The following ADAMTS17 variants were observed in gnomAD, a reference collection of about 807,000 sequenced individuals.
The protein encoded by ADAMTS17 is ADAM metallopeptidase with thrombospondin type 1 motif 17, also known as A disintegrin and metalloproteinase with thrombospondin motifs 17.
Under a neutral mutation model 141.5 loss-of-function variants are expected in ADAMTS17, and 113 were observed. The observed-to-expected ratio is 0.80, with a 90% CI of 0.69 to 0.93. The LOEUF (loss-of-function observed/expected upper bound fraction) is 0.93. Among genes scored for constraint, ADAMTS17 ranks in the 40% least tolerant of loss-of-function variants. The probability of loss-of-function intolerance (pLI) is 0.00; values close to 1 mark genes in which losing one functional copy is unlikely to be tolerated. For synonymous variants in ADAMTS17, 768 were observed against 630.6 expected (o/e 1.22, Z -3.27); for missense variants, 1,659 against 1,517.9 (o/e 1.09, Z -1.54).
At chr15:100,261,726 C>G in intron 5 of ADAMTS17, 90 bp from the exon 6 acceptor site, 2 of 1,411,936 alleles carry the variant, frequency 1.4e-6, no homozygotes, top group Non-Finnish European at 2.0e-6. Flanking sequence ...AAGGTGGAGG[C>G]AGTCACTCAC....
chr15:100,244,781 T>C (rs1466313182), intron 7 of ADAMTS17, among the ~76,000 whole-genome samples: 1 of 152,196 alleles, frequency 6.6e-6, no homozygotes, highest in East Asian at 1.9e-4. Flanking sequence ...CTACAGATGG[T>C]ACCTGCTCTC....
chr15:100,085,894 G>A (rs1168735793), intron 15 of ADAMTS17, among the ~76,000 whole-genome samples: 1 of 152,100 alleles, frequency 6.6e-6, no homozygotes, highest in Admixed American at 6.5e-5. Flanking sequence ...GCAAAAACAA[G>A]CCAAATTGTA....
Position 99,972,504 on chromosome 15 carries a change from T to C in ADAMTS17, c.*1898A>G, listed in dbSNP as rs1165952796. On this transcript the variant is annotated 3_prime_UTR_variant, in exon 22 of 22. Coordinates refer to ENST00000268070, the MANE Select transcript of ADAMTS17 (RefSeq NM_139057.4). ...AAAGTCTAAATGTCTTTCAGTGAAT[T>C]AACAGTTCATTTGGGGATGAAGAAA... is the stretch of plus-strand genomic sequence containing the variant. 1.3e-5 allele frequency: 2 copies of C among 151,884 alleles called. No individual in the cohort carries two copies. The highest frequency in any genetic ancestry group is 4.8e-5 in the African/African-American group (2 of 41,380). 9.4% of individuals were successfully genotyped at this position (151,884 alleles called of 1,614,324 possible). A position where few individuals can be genotyped will look rare whatever the true frequency, so the allele number is the denominator to read the frequency against.
intron 20 of ADAMTS17, among the ~76,000 whole-genome samples, chr15:99,977,349 C>CATATATATATAT (rs71151927): frequency 3.3e-5 from 1 of 30,330 alleles, no homozygotes; most frequent in African/African-American, 1.5e-4. Context: ...CCCTCCTCTT[C>CATATATATATAT]ATATATATAT....
intron 3 of ADAMTS17, among the ~76,000 whole-genome samples, chr15:100,286,723 A>G (rs1193865182): frequency 6.6e-6 from 1 of 152,192 alleles, no homozygotes; most frequent in Non-Finnish European, 1.5e-5. Flanking sequence ...GGAAAAATAC[A>G]GTATAAACAC....
chr15:100,034,287 C>T (rs1425972308), intron 18 of ADAMTS17, among the ~76,000 whole-genome samples: 2 of 152,352 alleles, frequency 1.3e-5, no homozygotes, highest in South Asian at 4.1e-4. Flanking sequence ...AGGATTCAGA[C>T]CTGTGGGGCT....
chr15:100,052,309 C>T (rs1471655024), intron 16 of ADAMTS17, among the ~76,000 whole-genome samples: 2 of 152,222 alleles, frequency 1.3e-5, no homozygotes, highest in Non-Finnish European at 2.9e-5. Context: ...ACAATGTGTA[C>T]ACCCCAGTTT....
chr15:100,205,106 A>G (rs1245621949), intron 7 of ADAMTS17, among the ~76,000 whole-genome samples: 1 of 152,186 alleles, frequency 6.6e-6, no homozygotes, highest in East Asian at 1.9e-4. Context: ...ACCACAGCTT[A>G]GGACACAGAT....
chr15:100,191,735 C>G (rs1038334854), intron 8 of ADAMTS17, among the ~76,000 whole-genome samples: 1 of 152,190 alleles, frequency 6.6e-6, no homozygotes, highest in African/African-American at 2.4e-5. Flanking sequence ...ATCCAAGATT[C>G]TCTGCTGGGG....
At chr15:100,332,461 G>T (rs1429189527) in intron 2 of ADAMTS17, among the ~76,000 whole-genome samples, 1 of 152,220 alleles carries the variant, frequency 6.6e-6, no homozygotes, top group East Asian at 1.9e-4. Context: ...GCTCCCCAGA[G>T]GATACGCTTC....
Position 99,997,459 on chromosome 15 carries a change from G to A in ADAMTS17, c.2722C>T (p.Pro908Ser). 1 of 1,613,590 alleles carries A rather than the reference G, an allele frequency of 6.2e-7. No individual in the cohort carries two copies. The highest frequency in any genetic ancestry group is 1.1e-5 in the South Asian group (1 of 91,054). The change falls in exon 19 of 22, where the codon CCC becomes TCC. Residue 908 changes from proline (P) to serine (S), a missense_variant. Physicochemically the swap from Pro to Ser is moderately conservative, Grantham distance 74 (BLOSUM62 -1). Transcript: ENST00000268070. This position sits in a 1 kb window ranked among gnomAD's most constrained non-coding sequence, Gnocchi z 4.7. ...VATRPLYCPG[P>S]RPAAVQSCEG... ...CAGCTCTGCACTGCCGCCGGCCGGGGGCCCGGGCAGTAGAGGGGCCGCGTA... is the reference window on the plus strand; with the variant it reads ...CAGCTCTGCACTGCCGCCGGCCGGGAGCCCGGGCAGTAGAGGGGCCGCGTA...
intron 3 of ADAMTS17, among the ~76,000 whole-genome samples, chr15:100,293,642 C>A (rs776950190): frequency 6.6e-6 from 1 of 152,124 alleles, no homozygotes; most frequent in Admixed American, 6.5e-5. Context: ...GGCCTTGGAA[C>A]GCCTCCTGGC....
rs1195024446 is a variant in ADAMTS17 at position 100,048,874 on chromosome 15, C to G, written c.2574G>C (p.Leu858Phe). The G allele has an allele frequency of 6.2e-7, 1 of 1,614,210 alleles. No individual in the cohort carries two copies. The highest frequency in any genetic ancestry group is 8.5e-7 in the Non-Finnish European group (1 of 1,180,050). Residue 858 changes from leucine (L) to phenylalanine (F), a missense_variant, in exon 18 of 22, where the codon TTG (leucine) becomes TTC (phenylalanine). Transcript: ENST00000268070. ...CTTCTTACCGTGACTGGCAGGGGTG[C>G]AAGTTGCACCTTCGGACCTGGGGCT... ...RPEPQVRRCN[L>F]HPCQSRWVAG...
rs571254513 is a variant in ADAMTS17 at position 100,095,919 on chromosome 15, C to T, written c.2137+437G>A. 7.2e-5 allele frequency among the ~76,000 whole-genome samples: 11 copies of T among 152,310 alleles called. No individual in the cohort carries two copies. The South Asian group carries it at 1.2e-3, about 17-fold the overall frequency. ...GGCACCTGAGACCTTCCAGACTGTA[C>T]GGCTTCATGCACGTTTTAGAAATGT... On this transcript the variant is annotated intron_variant, in intron 15 of 21. Transcript: ENST00000268070.
intron 6 of ADAMTS17, among the ~76,000 whole-genome samples, chr15:100,257,273 T>C (rs1266269402): frequency 1.3e-5 from 2 of 152,184 alleles, no homozygotes; most frequent in Non-Finnish European, 2.9e-5. Context: ...AGCCCATTAT[T>C]ATCCCAACCT....
intron 8 of ADAMTS17, among the ~76,000 whole-genome samples, chr15:100,158,323 A>G (rs7166935): frequency 0.19 from 28,954 of 152,234 alleles, 2,803 homozygotes; most frequent in Middle Eastern, 0.23. Flanking sequence ...CTTTAAAAAA[A>G]TCCTGTTACA....
intron 8 of ADAMTS17, among the ~76,000 whole-genome samples, chr15:100,163,175 A>G (rs2039809128): frequency 6.6e-6 from 1 of 151,974 alleles, no homozygotes; most frequent in Admixed American, 6.6e-5. Context: ...ATCTCCATAC[A>G]TTTACAAGAT....
chr15:100,179,909 A>G (rs1391152885), intron 8 of ADAMTS17, among the ~76,000 whole-genome samples: 19 of 152,124 alleles, frequency 1.2e-4, no homozygotes, highest in Non-Finnish European at 1.2e-4. Flanking sequence ...TGAGCTCCTT[A>G]TGTATTCTGG....
rs140026153 is a variant in ADAMTS17, at chr15:100,068,499, C to T, written c.2138-14445G>A. Among the ~76,000 whole-genome samples the T allele has an allele frequency of 7.3e-3, 1,113 of 152,308 alleles. 13 individuals are homozygous for T. Among genetic ancestry groups the T allele is most frequent in the African/African-American group, 0.026 (1,064 of 41,556 alleles). On this transcript the variant is annotated intron_variant, in intron 15 of 21. Coordinates refer to ENST00000268070, the MANE Select transcript of ADAMTS17 (RefSeq NM_139057.4). Reference sequence around the variant, plus strand: ...CTGAGTAGCCTAATTGGGAGGCACCCCCCAGTAGGGGCAGACTGACACCTC... The same window carrying T: ...CTGAGTAGCCTAATTGGGAGGCACCTCCCAGTAGGGGCAGACTGACACCTC...
Sources: gnomAD v4.1 joint callset for allele counts (sites outside exome capture counted in the v4.1 genomes callset) on GRCh38, gnomAD v4.1.1 for gene constraint, Gnocchi (gnomAD v3.1) non-coding constraint, MANE v1.5 for transcripts, NCBI Gene and HGNC (gene_info 2026-07-23, HGNC 2026-07-21) for gene names.